Variants in ABCC3 observed in about 807,000 individuals in gnomAD.
ABCC3 encodes ATP-binding cassette sub-family C member 3.
A neutral mutation model predicts 165.3 loss-of-function variants in ABCC3; 121 were observed. The ratio of observed to expected loss-of-function variants is 0.73; its 90% confidence interval spans 0.63 to 0.85. The LOEUF (loss-of-function observed/expected upper bound fraction) is 0.85, where lower values mean the gene tolerates loss of function less well. Among genes scored for constraint, ABCC3 ranks in the 40% least tolerant of loss-of-function variants. ABCC3 has a pLI of 0.00. For synonymous variants in ABCC3, 733 were observed against 810.1 expected (o/e 0.90, Z 1.62); for missense variants, 1,869 against 1,964.1 (o/e 0.95, Z 0.92).
chr17:50,665,270 T>A (rs1196952208), intron 11 of ABCC3, 25 bp downstream of exon 11: 1 of 1,598,964 alleles, frequency 6.3e-7, no homozygotes, highest in Admixed American at 1.7e-5. Context: ...AGGTGCATCC[T>A]CCTGCCTGCA....
At chr17:50,652,443 G>T (rs966386967) in intron 1 of ABCC3, among the ~76,000 whole-genome samples, 12 of 152,142 alleles carry the variant, frequency 7.9e-5, no homozygotes, top group Admixed American at 6.5e-4. Flanking sequence ...TTATAAAGAG[G>T]CAATTTTTTA....
Position 50,676,545 on chromosome 17 carries a change from C to T in ABCC3, c.3335C>T (p.Thr1112Ile), listed in dbSNP as rs758774339. The change falls in exon 23 of 31, where the codon ACT becomes ATT. Residue 1112 changes from threonine (T) to isoleucine (I), a missense_variant. By Grantham distance (89) the Thr-to-Ile change is moderately conservative. Coordinates refer to ENST00000285238, the MANE Select transcript of ABCC3 (RefSeq NM_003786.4). ...ATCATGGCCAGCACGCCGCTCTTCA[C>T]TGTGGTCATCCTGCCCCTGGCTGTG... ...VVIMASTPLF[T>I]VVILPLAVLY... 6.2e-7 allele frequency: 1 copy of T among 1,612,920 alleles called. No individual in the cohort carries two copies. Among genetic ancestry groups the T allele is most frequent in the African/African-American group, 1.3e-5 (1 of 74,828 alleles).
chr17:50,640,158 G>C (rs556798201), intron 1 of ABCC3, among the ~76,000 whole-genome samples: 1 of 152,326 alleles, frequency 6.6e-6, no homozygotes, highest in African/African-American at 2.4e-5. Context: ...TGCTCCCTCA[G>C]CTCTGTGAGA....
intron 30 of ABCC3, among the ~76,000 whole-genome samples, chr17:50,688,783 G>A (rs1469192833): frequency 6.6e-6 from 1 of 151,818 alleles, no homozygotes; most frequent in Non-Finnish European, 1.5e-5. Context: ...GTGCATGCCT[G>A]TAATCTCAGC....
chr17:50,637,459 C>T (rs1023927309), intron 1 of ABCC3, among the ~76,000 whole-genome samples: 2 of 152,172 alleles, frequency 1.3e-5, no homozygotes, highest in African/African-American at 4.8e-5. Flanking sequence ...ATTATTAAGG[C>T]ACAACTCCCC....
At chr17:50,655,404 C>CA (rs58586394) in intron 1 of ABCC3, among the ~76,000 whole-genome samples, 2,207 of 56,272 alleles carry the variant, frequency 0.039, 166 homozygotes, top group African/African-American at 0.11. Context: ...GACTCTGTCT[C>CA]AAAAAAAAAA....
chr17:50,641,279 CTG>C (rs2054229453), intron 1 of ABCC3, among the ~76,000 whole-genome samples: 1 of 152,224 alleles, frequency 6.6e-6, no homozygotes, highest in Non-Finnish European at 1.5e-5. Flanking sequence ...GCTGTGGAAA[CTG>C]TGTGGGTGAT....
chr17:50,644,814 C>G (rs61149447), intron 1 of ABCC3, among the ~76,000 whole-genome samples: 1 of 152,112 alleles, frequency 6.6e-6, no homozygotes, highest in African/African-American at 2.4e-5. Flanking sequence ...GTCAGGAGAT[C>G]GAGACCATCC....
chr17:50,639,838 A>T (rs2054211938), intron 1 of ABCC3, among the ~76,000 whole-genome samples: 1 of 150,032 alleles, frequency 6.7e-6, no homozygotes, highest in Non-Finnish European at 1.5e-5. Flanking sequence ...ATCTCAACTC[A>T]CTGCAACCTC....
In ABCC3 at chr17:50,658,436, AC is replaced by A. The variant is rs1473436214; in HGVS notation, c.618del (p.Tyr207ThrfsTer37). On this transcript the variant is annotated frameshift_variant and splice_region_variant, in exon 6 of 31. Coordinates refer to ENST00000285238, the MANE Select transcript of ABCC3 (RefSeq NM_003786.4). LOFTEE classifies it high-confidence loss of function. The part of the protein sequence containing the change: ...PFFSAKNVDP[N>X]PYPETSAGFL... ...CCGTCCTATTCTCTCGCCTTCTAGA[AC>A]CCCTACCCTGAGACCAGCGCTGGCT... 65 of 1,613,502 alleles carry A rather than the reference AC, an allele frequency of 4.0e-5. No homozygotes were observed. Among genetic ancestry groups the A allele is most frequent in the Non-Finnish European group, 5.3e-5 (63 of 1,179,784 alleles).
At chr17:50,660,238 G>C (rs182511029) in intron 7 of ABCC3, among the ~76,000 whole-genome samples, 1 of 152,100 alleles carries the variant, frequency 6.6e-6, no homozygotes, top group East Asian at 1.9e-4. Flanking sequence ...TCCCCTGAGG[G>C]GTCTTCCCAC....
In ABCC3 at chr17:50,641,499, A is replaced by T. The variant is rs375256362; in HGVS notation, c.45+6518A>T. Among the ~76,000 whole-genome samples the T allele has an allele frequency of 3.9e-5, 6 of 152,304 alleles. No homozygotes were observed. The South Asian group carries it at 6.2e-4, about 16-fold the overall frequency. On this transcript the variant is annotated intron_variant, in intron 1 of 30. Coordinates refer to ENST00000285238, the MANE Select transcript of ABCC3 (RefSeq NM_003786.4). ...TTGGAGACCCTTCTGGGTGCCAAGA[A>T]CTGTGGCCTTGGTACCAGGGAGAGA...
intron 17 of ABCC3, among the ~76,000 whole-genome samples, chr17:50,671,731 T>TTG (rs1254201225): frequency 2.2e-5 from 3 of 134,216 alleles, no homozygotes; most frequent in Non-Finnish European, 4.6e-5. Flanking sequence ...TTTTTTTTTT[T>TTG]TGAGACAAGG....
At position 50,667,714 on chromosome 17, in the gene ABCC3, T is replaced by C. The variant is rs377705465; in HGVS notation, c.1592T>C (p.Leu531Pro). Residue 531 changes from leucine (L) to proline (P), a missense_variant, in exon 12 of 31, where the codon CTC (leucine) becomes CCC (proline). Coordinates refer to ENST00000285238, the MANE Select transcript of ABCC3 (RefSeq NM_003786.4). ...CAGCTGCTGCGCACGGCGGCCTACCTCCACACCACAACCACCTTCACCTGG... is the reference window on the plus strand; with the variant it reads ...CAGCTGCTGCGCACGGCGGCCTACCCCCACACCACAACCACCTTCACCTGG... ...ELQLLRTAAY[L>P]HTTTTFTWMC... 1 of 1,614,040 alleles carries C rather than the reference T, an allele frequency of 6.2e-7. No individual in the cohort carries two copies. Among genetic ancestry groups the C allele is most frequent in the East Asian group, 2.2e-5 (1 of 44,866 alleles).
At position 50,659,268 on chromosome 17, in the gene ABCC3, G is replaced by A; in HGVS notation, c.706G>A (p.Glu236Lys). 3.1e-6 allele frequency: 5 copies of A among 1,613,934 alleles called. No homozygotes were observed. The highest frequency in any genetic ancestry group is 1.7e-4 in the Middle Eastern group (1 of 6,034). ...CATCTATGGCTACCGGCATCCCCTGGAGGAGAAGGACCTCTGGTCCCTAAA... is the reference window on the plus strand; with the variant it reads ...CATCTATGGCTACCGGCATCCCCTGAAGGAGAAGGACCTCTGGTCCCTAAA... ...MAIYGYRHPL[E>K]EKDLWSLKEE... Residue 236 changes from glutamate (E) to lysine (K), a missense_variant, in exon 7 of 31, where the codon GAG becomes AAG. By Grantham distance (56) the Glu-to-Lys change is moderately conservative (BLOSUM62 1). Coordinates refer to ENST00000285238, the MANE Select transcript of ABCC3 (RefSeq NM_003786.4).
chr17:50,675,758 A>G lies in ABCC3; in HGVS notation c.2842A>G (p.Lys948Glu). 1 of 1,566,446 alleles carries G rather than the reference A, an allele frequency of 6.4e-7. No homozygotes were observed. The stretch of plus-strand genomic sequence containing the variant: ...AGATGGGGCACTGACCCAGGAGGAG[A>G]AAGCAGCCATTGGCACTGTGAGTCG... Reference protein sequence around the residue: ...KADGALTQEEKAAIGTVELSV... With the variant: ...KADGALTQEEEAAIGTVELSV... Residue 948 changes from lysine to glutamate, a missense_variant, in exon 21 of 31, where the codon AAA (lysine) becomes GAA (glutamate). Transcript: ENST00000285238.
In ABCC3 at chr17:50,665,140, G is replaced by A. The variant is rs772358926; in HGVS notation, c.1339-13G>A. The A allele has an allele frequency of 1.3e-5, 21 of 1,612,520 alleles. No individual in the cohort carries two copies. The highest frequency in any genetic ancestry group is 2.2e-5 in the East Asian group (1 of 44,884). On this transcript the variant is annotated splice_polypyrimidine_tract_variant and intron_variant, in intron 10 of 30. Transcript: ENST00000285238. Reference sequence around the variant, plus strand: ...TGTCCCTATGTGTCATCTATCCACCGGTGCCTCCTCAGAACCTAGGTCCCT... The same window carrying A: ...TGTCCCTATGTGTCATCTATCCACCAGTGCCTCCTCAGAACCTAGGTCCCT...
chr17:50,676,892 G>GTT (rs1567837024), intron 23 of ABCC3, among the ~76,000 whole-genome samples: 27 of 149,916 alleles, frequency 1.8e-4, no homozygotes, highest in African/African-American at 6.7e-4. Flanking sequence ...TTTTTGGGGG[G>GTT]GGGGGGACGG....
At chr17:50,663,433 G>C in intron 8 of ABCC3, 1 of 528,588 alleles carries the variant, frequency 1.9e-6, no homozygotes, top group South Asian at 2.7e-5. Context: ...GGTGGTGAGA[G>C]CGTCATCGAT....
Sources: allele counts gnomAD v4.1 joint callset (sites outside exome capture counted in the v4.1 genomes callset), GRCh38; gene constraint gnomAD v4.1.1; transcripts MANE v1.5; gene names NCBI Gene and HGNC (gene_info 2026-07-23, HGNC 2026-07-21).